Variants in ARHGAP45 observed in about 807,000 individuals in gnomAD.
ARHGAP45 encodes rho GTPase-activating protein 45.
ARHGAP45 carries 56 observed loss-of-function variants against 116.1 expected under a neutral mutation model. That is an observed-to-expected ratio of 0.48 (90% CI 0.39 to 0.60). The LOEUF is 0.60. Among genes scored for constraint, ARHGAP45 ranks in the 20% least tolerant of loss-of-function variants. The pLI is 0.00. For missense variants in ARHGAP45, 1,622 were observed against 1,601.0 expected (o/e 1.01, Z -0.22); for synonymous variants, 866 against 701.7 (o/e 1.23, Z -3.70).
rs758984514 is a variant in ARHGAP45, at chr19:1,085,821, G to C, written c.3226G>C (p.Glu1076Gln). The C allele has an allele frequency of 2.2e-5, 36 of 1,612,758 alleles. No homozygotes were observed. Among genetic ancestry groups the C allele is most frequent in the Non-Finnish European group, 2.4e-5 (28 of 1,179,900 alleles). The change falls in exon 23 of 23, where the codon GAG (glutamate) becomes CAG (glutamine). Residue 1076 changes from glutamate to glutamine, a missense_variant. By Grantham distance (29) the Glu-to-Gln change is conservative (BLOSUM62 2). Transcript: ENST00000313093. ...TTCTGGCAGCCACAGCGGCAGTGAG[G>C]AGCAGCTGGAGGCCACAGCCCGGGA... ...VASGSHSGSEEQLEATAREDG... is the reference protein window; with the variant it reads ...VASGSHSGSEQQLEATAREDG...
In ARHGAP45 at chr19:1,067,931, C is replaced by CAG. The variant is rs2043069191; in HGVS notation, c.90+437_90+438dup. Among the ~76,000 whole-genome samples, 3 of 120,832 alleles carry CAG rather than the reference C, an allele frequency of 2.5e-5. No individual in the cohort carries two copies. In the South Asian group the frequency reaches 7.8e-4, roughly 32 times the overall value. The allele number at this position is 120,832 out of a possible 152,430, so 79.3% of individuals were successfully genotyped here. On this transcript the variant is annotated intron_variant, in intron 1 of 22. Transcript: ENST00000313093. ...AGGTTCAGAGGTTGGGGAGTGTCCC[C>CAG]AGGCCTGGGGTGTCTACAAAGCTGG...
At chr19:1,083,118 C>T in intron 20 of ARHGAP45, 25 bp from the exon 21 acceptor site, 1 of 1,590,628 alleles carries the variant, frequency 6.3e-7, no homozygotes. Context: ...AGCCGCTCAG[C>T]ACCTGGCCCC....
intron 21 of ARHGAP45, 105 bp from the exon 22 acceptor site, chr19:1,084,133 C>T: frequency 1.9e-6 from 2 of 1,058,366 alleles, no homozygotes; most frequent in Non-Finnish European, 2.9e-6. Context: ...GCCTGGGCAA[C>T]AGCGGGTGTC....
At position 1,085,763 on chromosome 19, in the gene ARHGAP45, G is replaced by A; in HGVS notation, c.3168G>A (p.Glu1056=). 2 of 1,612,604 alleles carry A rather than the reference G, an allele frequency of 1.2e-6. No individual in the cohort carries two copies. The highest frequency in any genetic ancestry group is 1.7e-6 in the Non-Finnish European group (2 of 1,179,804). The change falls in exon 23 of 23, where the codon GAG becomes GAA. Residue 1056 remains glutamate, a synonymous_variant. Transcript: ENST00000313093. ...CCCTGGGCCACCTCAGCTTCCTGGA[G>A]CAGCAGCAGAGCGAGGCCAGCCTAG... ...ASALGHLSFL[E]QQQSEASLEV...
At chr19:1,075,488 A>T (rs1599758672) in intron 10 of ARHGAP45, among the ~76,000 whole-genome samples, 1 of 151,908 alleles carries the variant, frequency 6.6e-6, no homozygotes, top group Middle Eastern at 3.4e-3. Flanking sequence ...CAGGTGATCC[A>T]CCCGCGTCGG....
At chr19:1,073,058 T>G in intron 2 of ARHGAP45, 91 bp from the exon 3 acceptor site, 1 of 1,439,010 alleles carries the variant, frequency 6.9e-7, no homozygotes, top group Non-Finnish European at 9.3e-7. Context: ...TTTCCCCATC[T>G]GGGAACAGGA....
intron 10 of ARHGAP45, among the ~76,000 whole-genome samples, chr19:1,076,676 T>C (rs1334382603): frequency 1.3e-5 from 2 of 151,912 alleles, no homozygotes; most frequent in African/African-American, 4.8e-5. Flanking sequence ...TTTGTATTTT[T>C]AGTAGAGATG....
rs3761025 is a variant in ARHGAP45 at position 1,086,081 on chromosome 19, C to T, written c.*75C>T. On this transcript the variant is annotated 3_prime_UTR_variant, in exon 23 of 23. Coordinates refer to ENST00000313093, the MANE Select transcript of ARHGAP45 (RefSeq NM_012292.5). ...TCCCTCCAGCACGTCCCCTGCACCA[C>T]GGCATAGCTTAGGTGCGCCGTCCTG... 3.7e-5 allele frequency: 49 copies of T among 1,340,750 alleles called. No individual in the cohort carries two copies. The highest frequency in any genetic ancestry group is 3.6e-4 in the South Asian group (28 of 77,000). The allele number at this position is 1,340,750 out of a possible 1,614,324, so 83.1% of individuals were successfully genotyped here.
Position 1,081,752 on chromosome 19 carries a change from G to A in ARHGAP45, c.2379+14G>A. 6.4e-7 allele frequency: 1 copy of A among 1,557,462 alleles called. No individual in the cohort carries two copies. The highest frequency in any genetic ancestry group is 1.4e-5 in the African/African-American group (1 of 73,888). ...CTGCGCACCAAGGTGAGGCGGGGGAGGAAGCGGCTCACAGCGAGGAGGCGG... is the reference window on the plus strand; with the variant it reads ...CTGCGCACCAAGGTGAGGCGGGGGAAGAAGCGGCTCACAGCGAGGAGGCGG... On this transcript the variant is annotated intron_variant, in intron 18 of 22. Transcript: ENST00000313093.
In ARHGAP45 at chr19:1,067,194, G is replaced by A. The variant is rs921368482; in HGVS notation, c.-212G>A. 1.5e-6 allele frequency: 2 copies of A among 1,329,268 alleles called. No homozygotes were observed. The highest frequency in any genetic ancestry group is 1.9e-6 in the Non-Finnish European group (2 of 1,044,600). 82.3% of individuals were successfully genotyped at this position (1,329,268 alleles called of 1,614,324 possible). A position where few individuals can be genotyped will look rare whatever the true frequency, so the allele number is the denominator to read the frequency against. On this transcript the variant is annotated 5_prime_UTR_variant, in exon 1 of 23. Transcript: ENST00000313093. ...TCCGCAGAGCCGCAGGCTGAGGCCGGGAAGGGTCGGGGGCGAGGCCGCGTC... is the reference window on the plus strand; with the variant it reads ...TCCGCAGAGCCGCAGGCTGAGGCCGAGAAGGGTCGGGGGCGAGGCCGCGTC...
In ARHGAP45 at chr19:1,082,984, G is replaced by A. The variant is rs1474246632; in HGVS notation, c.2662G>A (p.Ala888Thr). The change falls in exon 20 of 23, where the codon GCA (alanine) becomes ACA (threonine). Residue 888 changes from alanine (A) to threonine (T), a missense_variant. Coordinates refer to ENST00000313093, the MANE Select transcript of ARHGAP45 (RefSeq NM_012292.5). ...GAGCGAGGCAGTGGCGGTGGCCCTG[G>A]CAGGTCGGCTGCGGGAGCTCCTGCG... The part of the protein sequence containing the change: ...SESEAVAVAL[A>T]GRLRELLRDL... 2.6e-6 allele frequency: 4 copies of A among 1,552,948 alleles called. No homozygotes were observed. The highest frequency in any genetic ancestry group is 1.3e-5 in the African/African-American group (1 of 74,232).
rs1234474042 is a variant in ARHGAP45, at chr19:1,073,322, C to T, written c.565+30C>T. The T allele has an allele frequency of 2.5e-6, 4 of 1,609,868 alleles. No homozygotes were observed. The African/African-American group carries it at 4.0e-5, about 16-fold the overall frequency. ...GCCTGCTGGAACAGGGCTGCGAGGG[C>T]TCTCTGCCTAGAAGGGCATCCTGGA... On this transcript the variant is annotated intron_variant, in intron 3 of 22. Transcript: ENST00000313093.
Position 1,086,471 on chromosome 19 carries a change from A to G in ARHGAP45, c.*465A>G, listed in dbSNP as rs190093827. The G allele has an allele frequency of 2.5e-3, 408 of 160,412 alleles. No individual in the cohort carries two copies. The highest frequency in any genetic ancestry group is 9.3e-3 in the African/African-American group (386 of 41,728). 9.9% of individuals were successfully genotyped at this position (160,412 alleles called of 1,614,324 possible). On this transcript the variant is annotated 3_prime_UTR_variant, in exon 23 of 23. Coordinates refer to ENST00000313093, the MANE Select transcript of ARHGAP45 (RefSeq NM_012292.5). ...GGGTTTGGTGCAGTTTCCAGGGTGC[A>G]GTACAGCAGGGCCTGAATACTGGCC...
At chr19:1,076,230 C>T (rs1009547790) in intron 10 of ARHGAP45, among the ~76,000 whole-genome samples, 2 of 152,184 alleles carry the variant, frequency 1.3e-5, no homozygotes, top group African/African-American at 4.8e-5. Flanking sequence ...CCCTCCCAGG[C>T]CACAGCCCTG....
chr19:1,081,385 C>G, intron 17 of ARHGAP45, 165 bp from the exon 18 acceptor site: 1 of 745,842 alleles, frequency 1.3e-6, no homozygotes. Flanking sequence ...ACAGGGCAGG[C>G]GGGATCACCC....
rs1568464614 is a variant in ARHGAP45 at position 1,076,481 on chromosome 19, G to GTTTTTTTTT, written c.1186-1375_1186-1374insTTTTTTTTT. ...TAGAAACCTGTGATTGTTGGCAGTA[G>GTTTTTTTTT]TCTTTTTTTTTTTTTTTTTTTTTTT... On this transcript the variant is annotated intron_variant, in intron 10 of 22. Transcript: ENST00000313093. Among the ~76,000 whole-genome samples, 40 of 104,160 alleles carry GTTTTTTTTT rather than the reference G, an allele frequency of 3.8e-4. 2 individuals are homozygous for GTTTTTTTTT. The highest frequency in any genetic ancestry group is 1.5e-3 in the African/African-American group (39 of 25,332). The allele number at this position is 104,160 out of a possible 152,430, so 68.3% of individuals were successfully genotyped here. A position where few individuals can be genotyped will look rare whatever the true frequency, so the allele number is the denominator to read the frequency against.
chr19:1,067,557 C>A (rs1461344847), intron 1 of ARHGAP45, 62 bp downstream of exon 1: 1 of 1,453,622 alleles, frequency 6.9e-7, no homozygotes, highest in Middle Eastern at 1.8e-4. Flanking sequence ...AGGGACCCGC[C>A]CTGTGCTCGG....
At chr19:1,078,613 C>T (rs988747843) in intron 11 of ARHGAP45, among the ~76,000 whole-genome samples, 17 of 146,164 alleles carry the variant, frequency 1.2e-4, no homozygotes, top group African/African-American at 4.3e-4. Flanking sequence ...GTTTCACCAT[C>T]TTGGCCAGGT....
At chr19:1,076,585 C>T (rs1013007293) in intron 10 of ARHGAP45, among the ~76,000 whole-genome samples, 1 of 143,170 alleles carries the variant, frequency 7.0e-6, no homozygotes, top group Non-Finnish European at 1.5e-5. Flanking sequence ...CAACCTCCAT[C>T]TCCTGGGCTC....
Sources: gnomAD v4.1 joint callset for allele counts (sites outside exome capture counted in the v4.1 genomes callset) on GRCh38, gnomAD v4.1.1 for gene constraint, MANE v1.5 for transcripts, NCBI Gene and HGNC (gene_info 2026-07-23, HGNC 2026-07-21) for gene names.